Variants in CACNB2 observed in about 807,000 individuals in gnomAD.
CACNB2 encodes voltage-dependent L-type calcium channel subunit beta-2.
In CACNB2, 42 loss-of-function variants were observed where a neutral mutation model predicts 73.3. That is an observed-to-expected ratio of 0.57 (90% CI 0.45 to 0.74). CACNB2 has a LOEUF of 0.74. Ranked by LOEUF, CACNB2 falls within the 30% of genes least tolerant of loss-of-function variation. The probability of loss-of-function intolerance (pLI) is 0.00; values close to 1 mark genes in which losing one functional copy is unlikely to be tolerated. For synonymous variants in CACNB2, 348 were observed against 310.3 expected (o/e 1.12, Z -1.28); for missense variants, 940 against 853.0 (o/e 1.10, Z -1.27).
At chr10:18,258,416 GTGA>G (rs985967233) in intron 2 of CACNB2, among the ~76,000 whole-genome samples, 4 of 152,176 alleles carry the variant, frequency 2.6e-5, no homozygotes, top group South Asian at 4.2e-4. Context: ...GGTGATAGAG[GTGA>G]TGAAGGGGCC....
chr10:18,329,746 T>C (rs1359347150), intron 2 of CACNB2, among the ~76,000 whole-genome samples: 27 of 152,192 alleles, frequency 1.8e-4, no homozygotes, highest in Admixed American at 1.8e-3. Context: ...CGTTTTATAG[T>C]ACTTTTATCC....
chr10:18,166,825 C>T (rs990555862), intron 2 of CACNB2, among the ~76,000 whole-genome samples: 1 of 152,184 alleles, frequency 6.6e-6, no homozygotes, highest in Non-Finnish European at 1.5e-5. Flanking sequence ...AGCACACCAA[C>T]ATGGCACATG....
At position 18,498,581 on chromosome 10, in the gene CACNB2, C is replaced by T. The variant is rs147284586; in HGVS notation, c.456+104C>T. ...GTTTCTGTGAAGTAGCATTGCACAT[C>T]GCTGCAGTTGTATAACACACATAAC... On this transcript the variant is annotated intron_variant, in intron 4 of 13. Transcript: ENST00000324631. 1.2e-3 allele frequency: 1,336 copies of T among 1,131,208 alleles called. 9 individuals carry two copies. In the African/African-American group the frequency reaches 0.017, roughly 14 times the overall value. The allele number at this position is 1,131,208 out of a possible 1,614,324, so 70.1% of individuals were successfully genotyped here.
intron 3 of CACNB2, among the ~76,000 whole-genome samples, chr10:18,406,292 A>G (rs1412237098): frequency 6.6e-6 from 1 of 152,130 alleles, no homozygotes; most frequent in Admixed American, 6.6e-5. Flanking sequence ...GGAAGAGAAA[A>G]TCCTTCTTGG....
At chr10:18,443,126 A>G (rs2132549404) in intron 3 of CACNB2, among the ~76,000 whole-genome samples, 1 of 150,654 alleles carries the variant, frequency 6.6e-6, no homozygotes, top group African/African-American at 2.4e-5. Context: ...TTACTTTAGC[A>G]TGCATTTGAC....
intron 2 of CACNB2, chr10:18,206,641 A>G (rs1382221410): frequency 6.6e-6 from 1 of 152,292 alleles, no homozygotes; most frequent in Non-Finnish European, 1.5e-5. Flanking sequence ...ACTTCCCTCA[A>G]ATTCCAGAAA....
chr10:18,523,049 C>CT, intron 9 of CACNB2, among the ~76,000 whole-genome samples: 1 of 151,988 alleles, frequency 6.6e-6, no homozygotes, highest in Non-Finnish European at 1.5e-5. Context: ...TTTTCCATAT[C>CT]TTTAAGAAAT....
chr10:18,155,883 A>G (rs1031323903), intron 2 of CACNB2, among the ~76,000 whole-genome samples: 9 of 78,982 alleles, frequency 1.1e-4, no homozygotes, highest in Non-Finnish European at 2.1e-4. Flanking sequence ...AGGGAGAGAG[A>G]GAGAGAGAAC....
intron 13 of CACNB2, among the ~76,000 whole-genome samples, chr10:18,538,905 A>T (rs571326795): frequency 6.6e-6 from 1 of 152,188 alleles, no homozygotes; most frequent in African/African-American, 2.4e-5. Context: ...ACACCGCTGT[A>T]TAGAAAAATC....
At chr10:18,484,351 G>A (rs1002459609) in intron 3 of CACNB2, among the ~76,000 whole-genome samples, 3 of 151,368 alleles carry the variant, frequency 2.0e-5, no homozygotes, top group African/African-American at 7.3e-5. Flanking sequence ...CTGAGATCAC[G>A]CCACTGTACT....
chr10:18,456,401 T>C (rs1589412149), intron 3 of CACNB2, among the ~76,000 whole-genome samples: 1 of 151,930 alleles, frequency 6.6e-6, no homozygotes, highest in South Asian at 2.1e-4. Context: ...AGGCGAAGGG[T>C]GCAGTGAGCC....
intron 2 of CACNB2, among the ~76,000 whole-genome samples, chr10:18,204,323 A>T (rs1275206828): frequency 1.3e-5 from 2 of 152,210 alleles, no homozygotes; most frequent in East Asian, 3.8e-4. Flanking sequence ...TTATACATTA[A>T]CCAACAAAGT....
At chr10:18,302,386 T>C (rs990136691) in intron 2 of CACNB2, among the ~76,000 whole-genome samples, 1 of 152,124 alleles carries the variant, frequency 6.6e-6, no homozygotes, top group Non-Finnish European at 1.5e-5. Context: ...TTATACAAAA[T>C]ATACTTGCAT....
intron 3 of CACNB2, among the ~76,000 whole-genome samples, chr10:18,415,784 C>T (rs980880528): frequency 3.3e-5 from 5 of 152,258 alleles, no homozygotes; most frequent in Middle Eastern, 6.8e-3. Flanking sequence ...CATAACCATT[C>T]GTAAGTGTAC....
chr10:18,539,909 T>TAA lies in CACNB2; in HGVS notation c.*186_*187dup, dbSNP rs2053976977. ...GAGTATTGAGATACTTTTTCTTTTG[T>TAA]AAGTGCTACATAAATTGGCCTGGTA... On this transcript the variant is annotated 3_prime_UTR_variant, in exon 14 of 14. Transcript: ENST00000324631. 1 of 685,378 alleles carries TAA rather than the reference T, an allele frequency of 1.5e-6. No individual in the cohort carries two copies. Among genetic ancestry groups the TAA allele is most frequent in the African/African-American group, 1.8e-5 (1 of 55,718 alleles). The allele number at this position is 685,378 out of a possible 1,614,324, so 42.5% of individuals were successfully genotyped here.
intron 2 of CACNB2, among the ~76,000 whole-genome samples, chr10:18,189,061 A>T (rs78011406): frequency 6.6e-6 from 1 of 152,118 alleles, no homozygotes; most frequent in Non-Finnish European, 1.5e-5. Flanking sequence ...TCCTGGGCTC[A>T]AGCCATCCTC....
At chr10:18,422,953 T>G (rs1184078500) in intron 3 of CACNB2, among the ~76,000 whole-genome samples, 1 of 152,210 alleles carries the variant, frequency 6.6e-6, no homozygotes. Context: ...CCATGTTGGC[T>G]TCCCAAATTG....
intron 6 of CACNB2, among the ~76,000 whole-genome samples, chr10:18,511,161 C>G (rs1258631597): frequency 6.6e-6 from 1 of 152,104 alleles, no homozygotes; most frequent in Non-Finnish European, 1.5e-5. Context: ...ATAGATGGGG[C>G]AAAGAGGAAG....
chr10:18,258,617 T>G (rs1296913391), intron 2 of CACNB2, among the ~76,000 whole-genome samples: 1 of 152,072 alleles, frequency 6.6e-6, no homozygotes, highest in East Asian at 1.9e-4. Flanking sequence ...TCCCAGCTAC[T>G]CAGGAGCCTG....
Sources: gnomAD v4.1 joint callset for allele counts (sites outside exome capture counted in the v4.1 genomes callset) on GRCh38, gnomAD v4.1.1 for gene constraint, MANE v1.5 for transcripts, NCBI Gene and HGNC (gene_info 2026-07-23, HGNC 2026-07-21) for gene names.